Variants in KRT72 observed in about 807,000 individuals in gnomAD.
KRT72 encodes the protein keratin, type II cytoskeletal 72.
A neutral mutation model predicts 44.7 loss-of-function variants in KRT72; 44 were observed. The observed-to-expected ratio is 0.98, with a 90% CI of 0.77 to 1.27. The LOEUF is 1.27. KRT72 is among the 50% of genes most tolerant of loss of function. The probability of loss-of-function intolerance (pLI) is 0.00; values close to 1 mark genes in which losing one functional copy is unlikely to be tolerated. For synonymous variants in KRT72, 302 were observed against 280.4 expected (o/e 1.08, Z -0.77); for missense variants, 736 against 667.1 (o/e 1.10, Z -1.14).
rs1379986167 is a variant in KRT72, at chr12:52,599,087, T to C, written c.452A>G (p.Gln151Arg). The C allele has an allele frequency of 6.2e-7, 1 of 1,614,056 alleles. No homozygotes were observed. Among genetic ancestry groups the C allele is most frequent in the Non-Finnish European group, 8.5e-7 (1 of 1,180,014 alleles). The change falls in exon 2 of 9, where the codon CAG (glutamine) becomes CGG (arginine). Residue 151 changes from glutamine (Q) to arginine (R), a missense_variant. Gln to Arg is a conservative substitution (Grantham distance 43, BLOSUM62 1). Coordinates refer to ENST00000293745, the MANE Select transcript of KRT72 (RefSeq NM_080747.3). ...GAGGTTCCACTTGGTCTCTAGCACC[T>C]GATTCTGCTGCTCCAGGAACCGCAC... ...DKVRFLEQQN[Q>R]VLETKWNLLQ...
At position 52,585,690 on chromosome 12, in the gene KRT72, G is replaced by C. The variant is rs1939707534; in HGVS notation, c.*292C>G. On this transcript the variant is annotated 3_prime_UTR_variant, in exon 9 of 9. Coordinates refer to ENST00000293745, the MANE Select transcript of KRT72 (RefSeq NM_080747.3). ...TAGTGAAGGCCCAAGAAAGGCATGG[G>C]GGCAGAGGGGCTTGTAGCTGGCCTT... The C allele has an allele frequency of 2.9e-6, 1 of 349,702 alleles. No homozygotes were observed. The highest frequency in any genetic ancestry group is 4.4e-5 in the Admixed American group (1 of 22,474). The allele number at this position is 349,702 out of a possible 1,614,324, so 21.7% of individuals were successfully genotyped here. A position where few individuals can be genotyped will look rare whatever the true frequency, so the allele number is the denominator to read the frequency against.
chr12:52,591,901 T>C (rs967244191), intron 4 of KRT72, among the ~76,000 whole-genome samples: 15 of 152,126 alleles, frequency 9.9e-5, no homozygotes, highest in African/African-American at 3.6e-4. Context: ...CCTCCACCCA[T>C]AGGACCAAGT....
chr12:52,592,529 C>T, intron 3 of KRT72, 38 bp from the exon 4 acceptor site: 2 of 1,473,610 alleles, frequency 1.4e-6, no homozygotes, highest in South Asian at 2.3e-5. Context: ...CTGAGAGGGC[C>T]TCCCCTGCCC....
chr12:52,588,570 T>A (rs1328854513), intron 6 of KRT72, among the ~76,000 whole-genome samples: 1 of 152,160 alleles, frequency 6.6e-6, no homozygotes, highest in Non-Finnish European at 1.5e-5. Context: ...GTGCTCAAGA[T>A]GCATGGTTGA....
chr12:52,591,932 G>C (rs1278949200), intron 4 of KRT72, among the ~76,000 whole-genome samples: 1 of 152,126 alleles, frequency 6.6e-6, no homozygotes, highest in African/African-American at 2.4e-5. Flanking sequence ...TACCTAGCAT[G>C]TGAAGTCCCC....
At chr12:52,598,851 A>T in intron 2 of KRT72, 47 bp downstream of exon 2, 1 of 1,572,302 alleles carries the variant, frequency 6.4e-7, no homozygotes. Flanking sequence ...CGAAAACCTC[A>T]TTTGAAATCA....
intron 6 of KRT72, among the ~76,000 whole-genome samples, chr12:52,589,014 A>G (rs895474469): frequency 2.0e-5 from 3 of 151,334 alleles, no homozygotes; most frequent in African/African-American, 7.3e-5. Flanking sequence ...ATATATATAT[A>G]TATTAATTAA....
chr12:52,596,542 TTTC>T (rs1008098897), intron 2 of KRT72, among the ~76,000 whole-genome samples: 30 of 151,566 alleles, frequency 2.0e-4, no homozygotes, highest in Admixed American at 6.6e-4. Flanking sequence ...AAAGGTAAAC[TTTC>T]TTTTTTTCTT....
At chr12:52,592,619 C>G (rs974530949) in intron 3 of KRT72, 128 bp from the exon 4 acceptor site, 4 of 695,968 alleles carry the variant, frequency 5.7e-6, no homozygotes, top group African/African-American at 1.8e-5. Flanking sequence ...CCCTGAGAGT[C>G]CCCTTCAGTC....
chr12:52,595,197 G>C (rs1415996009), intron 2 of KRT72, among the ~76,000 whole-genome samples: 1 of 151,698 alleles, frequency 6.6e-6, no homozygotes, highest in Non-Finnish European at 1.5e-5. Context: ...AAACACCAGA[G>C]TTCAATACAC....
chr12:52,590,369 T>C (rs1289964859), intron 6 of KRT72, among the ~76,000 whole-genome samples: 4 of 152,208 alleles, frequency 2.6e-5, no homozygotes, highest in Admixed American at 1.3e-4. Flanking sequence ...GGTATCATCA[T>C]GGGAAACCTT....
chr12:52,588,737 C>T (rs1939882085), intron 6 of KRT72, among the ~76,000 whole-genome samples: 1 of 152,162 alleles, frequency 6.6e-6, no homozygotes, highest in Non-Finnish European at 1.5e-5. Context: ...TGGCTCATGC[C>T]TGTAATCCCA....
intron 2 of KRT72, among the ~76,000 whole-genome samples, chr12:52,597,870 C>G (rs773486159): frequency 2.0e-5 from 3 of 152,170 alleles, no homozygotes; most frequent in Non-Finnish European, 4.4e-5. Flanking sequence ...CACAGAGACT[C>G]ATCTGTGGTT....
At chr12:52,598,773 T>G (rs1940306009) in intron 2 of KRT72, 125 bp downstream of exon 2, 2 of 773,604 alleles carry the variant, frequency 2.6e-6, no homozygotes, top group East Asian at 5.0e-5. Context: ...CTAGTTCCAT[T>G]CTGTCTGGAT....
intron 1 of KRT72, among the ~76,000 whole-genome samples, chr12:52,599,622 C>T (rs1940343290): frequency 6.6e-6 from 1 of 152,170 alleles, no homozygotes; most frequent in South Asian, 2.1e-4. Context: ...AACTCCAAGC[C>T]CTCTGCCACA....
intron 3 of KRT72, 105 bp downstream of exon 3, chr12:52,592,787 C>T: frequency 1.0e-6 from 1 of 963,220 alleles, no homozygotes; most frequent in East Asian, 2.4e-5. Flanking sequence ...CACCCCTGCC[C>T]AAGGGACTGA....
At chr12:52,587,882 G>C (rs372915015) in intron 6 of KRT72, 31 bp from the exon 7 acceptor site, 4 of 1,598,952 alleles carry the variant, frequency 2.5e-6, no homozygotes, top group Non-Finnish European at 3.4e-6. Flanking sequence ...GCACTTAAGA[G>C]TCAGAGCCCA....
At chr12:52,589,385 G>C (rs1432289943) in intron 6 of KRT72, among the ~76,000 whole-genome samples, 1 of 152,124 alleles carries the variant, frequency 6.6e-6, no homozygotes, top group Non-Finnish European at 1.5e-5. Flanking sequence ...AGAAAACCCT[G>C]CCCCACCCTT....
At chr12:52,588,457 A>T (rs1398732604) in intron 6 of KRT72, among the ~76,000 whole-genome samples, 1 of 152,196 alleles carries the variant, frequency 6.6e-6, no homozygotes, top group East Asian at 1.9e-4. Flanking sequence ...CAATGAGAAC[A>T]CATGGACACA....
Sources: allele counts gnomAD v4.1 joint callset (sites outside exome capture counted in the v4.1 genomes callset), GRCh38; gene constraint gnomAD v4.1.1; transcripts MANE v1.5; gene names NCBI Gene and HGNC (gene_info 2026-07-23, HGNC 2026-07-21).